The following LRBA variants were observed in gnomAD, a reference collection of about 807,000 sequenced individuals.
The protein encoded by LRBA is lipopolysaccharide-responsive and beige-like anchor protein.
In LRBA, 176 loss-of-function variants were observed where a neutral mutation model predicts 330.0. The ratio of observed to expected loss-of-function variants is 0.53; its 90% CI spans 0.47 to 0.60. The LOEUF (loss-of-function observed/expected upper bound fraction) is 0.60. Among genes scored for constraint, LRBA ranks in the 20% least tolerant of loss-of-function variants. LRBA has a pLI of 0.00. For missense variants in LRBA, 3,259 were observed against 3,444.8 expected (o/e 0.95, Z 1.35); for synonymous variants, 1,230 against 1,193.0 (o/e 1.03, Z -0.64).
intron 31 of LRBA, among the ~76,000 whole-genome samples, chr4:150,816,164 G>T (rs1190495065): frequency 6.6e-6 from 1 of 151,832 alleles, no homozygotes; most frequent in Non-Finnish European, 1.5e-5. Flanking sequence ...AGAATAGAAG[G>T]CAAACCCTGG....
At chr4:150,815,545 A>C (rs1482922475) in intron 31 of LRBA, among the ~76,000 whole-genome samples, 1 of 151,978 alleles carries the variant, frequency 6.6e-6, no homozygotes, top group African/African-American at 2.4e-5. Flanking sequence ...GATCTAAAAA[A>C]TAAAGTCTAT....
At chr4:150,626,380 T>C (rs1776864959) in intron 37 of LRBA, among the ~76,000 whole-genome samples, 2 of 152,204 alleles carry the variant, frequency 1.3e-5, no homozygotes, top group African/African-American at 4.8e-5. Flanking sequence ...CAGAACTGTA[T>C]TTATCAAAAT....
At chr4:150,767,472 T>C (rs1434536286) in intron 34 of LRBA, among the ~76,000 whole-genome samples, 1 of 152,136 alleles carries the variant, frequency 6.6e-6, no homozygotes, top group Non-Finnish European at 1.5e-5. Context: ...ATCTTTAACA[T>C]AACTTTTAGT....
intron 37 of LRBA, among the ~76,000 whole-genome samples, chr4:150,617,264 G>A (rs1561429009): frequency 1.3e-5 from 2 of 152,132 alleles, no homozygotes; most frequent in South Asian, 2.1e-4. Flanking sequence ...ATGATTTAAC[G>A]ATAAAACACT....
At chr4:150,597,198 C>A in intron 38 of LRBA, 1 of 661,920 alleles carries the variant, frequency 1.5e-6, no homozygotes, top group South Asian at 2.3e-5. Flanking sequence ...CTATACAAGT[C>A]AAGAGTCTTA....
chr4:150,270,101 T>C (rs949676697), intron 56 of LRBA, among the ~76,000 whole-genome samples: 3 of 152,184 alleles, frequency 2.0e-5, no homozygotes, highest in African/African-American at 7.2e-5. Context: ...TTGATAAGGA[T>C]GTGGAGAAAT....
In LRBA at chr4:150,351,460, T is replaced by C. The variant is rs917068234; in HGVS notation, c.7195-1301A>G. Among the ~76,000 whole-genome samples, 5 of 152,030 alleles carry C rather than the reference T, an allele frequency of 3.3e-5. No homozygotes were observed. The South Asian group carries it at 6.2e-4, about 19-fold the overall frequency. On this transcript the variant is annotated intron_variant, in intron 47 of 56. Coordinates refer to ENST00000651943, the MANE Select transcript of LRBA (RefSeq NM_001364905.1). ...ATCCCAGCACTTTGGGAGGCTGAGG[T>C]GGGCGGATCACGAGGTCAGGAGATC...
intron 49 of LRBA, among the ~76,000 whole-genome samples, chr4:150,322,182 C>CA (rs1284888808): frequency 1.3e-5 from 2 of 152,082 alleles, no homozygotes; most frequent in East Asian, 1.9e-4. Context: ...ATTTCTCCTT[C>CA]AAAAAACAGA....
intron 17 of LRBA, among the ~76,000 whole-genome samples, chr4:150,889,855 A>G (rs1729295547): frequency 6.6e-6 from 1 of 152,224 alleles, no homozygotes; most frequent in African/African-American, 2.4e-5. Flanking sequence ...GGCTGTGGTT[A>G]TAGCAGGAAA....
intron 36 of LRBA, among the ~76,000 whole-genome samples, chr4:150,720,487 T>C (rs1316150535): frequency 6.6e-6 from 1 of 151,940 alleles, no homozygotes; most frequent in Non-Finnish European, 1.5e-5. Flanking sequence ...ATAAATAAAT[T>C]ACAAATAAAT....
At chr4:151,007,975 C>G (rs980132599) in intron 2 of LRBA, among the ~76,000 whole-genome samples, 7 of 151,576 alleles carry the variant, frequency 4.6e-5, no homozygotes, top group African/African-American at 1.7e-4. Flanking sequence ...AAGTAATGAA[C>G]ACAGGATGTA....
At chr4:150,613,515 G>A (rs541816831) in intron 37 of LRBA, among the ~76,000 whole-genome samples, 18 of 152,298 alleles carry the variant, frequency 1.2e-4, no homozygotes, top group Non-Finnish European at 2.2e-4. Context: ...TTTTTGGAGC[G>A]GCATAAAGCA....
chr4:150,332,779 T>C, intron 48 of LRBA, among the ~76,000 whole-genome samples: 1 of 152,296 alleles, frequency 6.6e-6, no homozygotes, highest in East Asian at 1.9e-4. Context: ...TTCCAGATGT[T>C]GAGATATATA....
At chr4:150,805,198 AGAAG>A (rs869164222) in intron 33 of LRBA, among the ~76,000 whole-genome samples, 12 of 110,862 alleles carry the variant, frequency 1.1e-4, no homozygotes, top group African/African-American at 2.8e-4. Flanking sequence ...GAAGGAAGGC[AGAAG>A]GAAGGAAGGA....
chr4:150,844,535 G>T (rs1749569113), intron 27 of LRBA, 123 bp downstream of exon 27: 15 of 790,638 alleles, frequency 1.9e-5, no homozygotes, highest in Non-Finnish European at 2.9e-5. Context: ...TTATATGCAG[G>T]CCTAAAGTAA....
At chr4:150,310,180 T>A in intron 52 of LRBA, 49 bp downstream of exon 52, 1 of 1,340,844 alleles carries the variant, frequency 7.5e-7, no homozygotes, top group Non-Finnish European at 1.1e-6. Flanking sequence ...AGCCTCTCAA[T>A]ACTACTTATA....
rs907047041 is a variant in LRBA, at chr4:150,412,733, T to G, written c.7194+2705A>C. On this transcript the variant is annotated intron_variant, in intron 47 of 56. Coordinates refer to ENST00000651943, the MANE Select transcript of LRBA (RefSeq NM_001364905.1). ...AACAGAAAACCGATTCCCTTGAGAC[T>G]TAAAATTTCAAGTCATATTTGAGAA... 4.6e-5 allele frequency among the ~76,000 whole-genome samples: 7 copies of G among 152,102 alleles called. No homozygotes were observed. The East Asian group carries it at 1.2e-3, about 25-fold the overall frequency.
chr4:150,648,578 C>T (rs571362401), intron 37 of LRBA, among the ~76,000 whole-genome samples: 1 of 151,854 alleles, frequency 6.6e-6, no homozygotes, highest in Non-Finnish European at 1.5e-5. Flanking sequence ...TTCTAAATTA[C>T]CCCAGAAAGG....
chr4:150,578,361 GCTT>G (rs1310115920), intron 40 of LRBA, among the ~76,000 whole-genome samples: 1 of 151,904 alleles, frequency 6.6e-6, no homozygotes, highest in Admixed American at 6.6e-5. Flanking sequence ...ATTCAGTTTT[GCTT>G]CTAATTTTAA....
Sources: allele counts gnomAD v4.1 joint callset (sites outside exome capture counted in the v4.1 genomes callset), GRCh38; gene constraint gnomAD v4.1.1; transcripts MANE v1.5; gene names NCBI Gene and HGNC (gene_info 2026-07-23, HGNC 2026-07-21).